Variants in STON2 observed in about 807,000 individuals in gnomAD.
STON2 encodes stonin-2.
A neutral mutation model predicts 65.7 loss-of-function variants in STON2; 29 were observed. The ratio of observed to expected loss-of-function variants is 0.44; its 90% confidence interval spans 0.33 to 0.60. The LOEUF (loss-of-function observed/expected upper bound fraction) is 0.60, where lower values mean the gene tolerates loss of function less well. STON2 is among the 20% of genes least tolerant of loss of function. The pLI, the probability that STON2 is intolerant of heterozygous loss-of-function variation, is 0.03. For missense variants in STON2, 1,054 were observed against 1,118.1 expected (o/e 0.94, Z 0.82); for synonymous variants, 404 against 414.2 (o/e 0.98, Z 0.30).
In STON2 at chr14:81,277,561, TCACAATGC is replaced by T; in HGVS notation, c.1913_1920del (p.Gly638GlufsTer34). ...TGGAGAATCTGGTTGTCTCCTTTGC[TCACAATGC>T]CAGAGAATTCATCTCTGACATCCAC... On this transcript the variant is annotated frameshift_variant, in exon 6 of 8. Coordinates refer to ENST00000614646, the MANE Select transcript of STON2 (RefSeq NM_001394390.1). LOFTEE classifies it high-confidence loss of function. 6.2e-7 allele frequency: 1 copy of T among 1,614,180 alleles called. No homozygotes were observed. The highest frequency in any genetic ancestry group is 8.5e-7 in the Non-Finnish European group (1 of 1,180,038).
At chr14:81,330,363 G>A (rs1228140551) in intron 4 of STON2, among the ~76,000 whole-genome samples, 1 of 152,122 alleles carries the variant, frequency 6.6e-6, no homozygotes, top group Non-Finnish European at 1.5e-5. Flanking sequence ...CACTGAGCTG[G>A]ACACTGTAGA....
chr14:81,271,456 T>C (rs1050067923), intron 6 of STON2, among the ~76,000 whole-genome samples: 6 of 152,170 alleles, frequency 3.9e-5, no homozygotes, highest in Non-Finnish European at 7.3e-5. Context: ...AACACCTGGG[T>C]TGGACTTCCA....
rs1481422128 is a variant in STON2, at chr14:81,277,960, C to T, written c.1522G>A (p.Val508Ile). ...MSSRHWGPIFVKLTDTGYLQL... is the reference protein window; with the variant it reads ...MSSRHWGPIFIKLTDTGYLQL... The stretch of plus-strand genomic sequence containing the variant: ...AGGTAACCAGTGTCTGTCAGTTTGA[C>T]GAAGATCGGTCCCCAGTGCCTGGAG... The change falls in exon 6 of 8, where the codon GTC (valine) becomes ATC (isoleucine). Residue 508 changes from valine to isoleucine, a missense_variant. Physicochemically the swap from Val to Ile is conservative, Grantham distance 29 (BLOSUM62 3). Coordinates refer to ENST00000614646, the MANE Select transcript of STON2 (RefSeq NM_001394390.1). The T allele has an allele frequency of 9.3e-6, 15 of 1,614,126 alleles. No individual in the cohort carries two copies. Among genetic ancestry groups the T allele is most frequent in the East Asian group, 6.7e-5 (3 of 44,872 alleles).
At chr14:81,367,233 C>T (rs543579480) in intron 4 of STON2, among the ~76,000 whole-genome samples, 5 of 152,116 alleles carry the variant, frequency 3.3e-5, no homozygotes, top group Admixed American at 6.5e-5. Context: ...GGCTGGAGTG[C>T]GGTGGCACGA....
intron 3 of STON2, among the ~76,000 whole-genome samples, chr14:81,373,892 G>A (rs1037699935): frequency 5.3e-5 from 8 of 150,340 alleles, no homozygotes; most frequent in African/African-American, 7.4e-5. Flanking sequence ...GGGGTGTACA[G>A]CTAAAACTAC....
intron 1 of STON2, among the ~76,000 whole-genome samples, chr14:81,434,976 CCT>C (rs1036405633): frequency 1.3e-5 from 2 of 151,954 alleles, no homozygotes; most frequent in African/African-American, 4.8e-5. Flanking sequence ...TTTCTCCCTC[CCT>C]CTCTTTTTAA....
intron 3 of STON2, among the ~76,000 whole-genome samples, chr14:81,380,526 T>C (rs1297281908): frequency 1.3e-5 from 2 of 152,172 alleles, no homozygotes; most frequent in African/African-American, 4.8e-5. Context: ...TGCACACATA[T>C]GTTCCTTGCA....
At chr14:81,378,114 G>A (rs1213294421) in intron 3 of STON2, among the ~76,000 whole-genome samples, 1 of 152,030 alleles carries the variant, frequency 6.6e-6, no homozygotes, top group African/African-American at 2.4e-5. Flanking sequence ...CCAAAGTGCT[G>A]GGATTACAGG....
intron 4 of STON2, among the ~76,000 whole-genome samples, chr14:81,331,225 G>A (rs1897201573): frequency 6.6e-6 from 1 of 152,162 alleles, no homozygotes; most frequent in South Asian, 2.1e-4. Flanking sequence ...ATTTCTTTAC[G>A]ACTGCCACAG....
chr14:81,392,287 G>T (rs1263383355), intron 3 of STON2, among the ~76,000 whole-genome samples: 1 of 152,176 alleles, frequency 6.6e-6, no homozygotes, highest in Non-Finnish European at 1.5e-5. Context: ...GCCACTTGCA[G>T]CAGGGAAGAG....
chr14:81,380,866 T>TG (rs1180243533), intron 3 of STON2, among the ~76,000 whole-genome samples: 1 of 152,108 alleles, frequency 6.6e-6, no homozygotes, highest in Non-Finnish European at 1.5e-5. Context: ...AACTACCTAT[T>TG]GGGTATTATG....
At chr14:81,409,069 A>G (rs1164177109) in intron 2 of STON2, among the ~76,000 whole-genome samples, 2 of 152,188 alleles carry the variant, frequency 1.3e-5, no homozygotes, top group Non-Finnish European at 2.9e-5. Context: ...CCATATATAA[A>G]TTAGATGCAT....
At chr14:81,420,771 T>C (rs900099591) in intron 2 of STON2, among the ~76,000 whole-genome samples, 5 of 152,126 alleles carry the variant, frequency 3.3e-5, no homozygotes, top group Non-Finnish European at 7.3e-5. Flanking sequence ...AGCATGACAA[T>C]ACAAAATGGT....
At chr14:81,398,230 G>T in intron 2 of STON2, 65 bp downstream of exon 2, 1 of 1,137,250 alleles carries the variant, frequency 8.8e-7, no homozygotes, top group Non-Finnish European at 1.3e-6. Flanking sequence ...TCAAGTAGAA[G>T]CCATAACAAA....
intron 4 of STON2, among the ~76,000 whole-genome samples, chr14:81,350,542 A>G (rs1026738134): frequency 6.3e-4 from 96 of 152,072 alleles, no homozygotes; most frequent in African/African-American, 2.3e-3. Context: ...TGCCCAGCCA[A>G]TCTCTTAGGT....
chr14:81,322,701 C>T (rs1329282181), intron 5 of STON2, among the ~76,000 whole-genome samples: 1 of 152,194 alleles, frequency 6.6e-6, no homozygotes, highest in African/African-American at 2.4e-5. Context: ...AATTTTCACC[C>T]TACCTGTGAC....
At chr14:81,285,612 T>C (rs190546647) in intron 5 of STON2, among the ~76,000 whole-genome samples, 5 of 152,204 alleles carry the variant, frequency 3.3e-5, no homozygotes, top group East Asian at 1.9e-4. Context: ...GGATGAGGAG[T>C]TGCATCTTAT....
chr14:81,343,110 ATAAAAGT>A (rs1309464369), intron 4 of STON2, among the ~76,000 whole-genome samples: 2 of 152,178 alleles, frequency 1.3e-5, no homozygotes, highest in African/African-American at 2.4e-5. Flanking sequence ...TAAGTTGAAA[ATAAAAGT>A]TAACAGCTCA....
intron 5 of STON2, among the ~76,000 whole-genome samples, chr14:81,288,813 G>A (rs1036297275): frequency 1.3e-5 from 2 of 149,350 alleles, no homozygotes; most frequent in Non-Finnish European, 3.0e-5. Context: ...ATAGGAGCAA[G>A]GGAAAAAGGG....
Sources: gnomAD v4.1 joint callset for allele counts (sites outside exome capture counted in the v4.1 genomes callset) on GRCh38, gnomAD v4.1.1 for gene constraint, MANE v1.5 for transcripts, NCBI Gene and HGNC (gene_info 2026-07-23, HGNC 2026-07-21) for gene names.